The following RUNX1T1 variants were observed in gnomAD, a reference collection of about 807,000 sequenced individuals.
RUNX1T1 encodes the protein protein CBFA2T1.
A neutral mutation model predicts 62.8 loss-of-function variants in RUNX1T1; 4 were observed. The ratio of observed to expected loss-of-function variants is 0.06; its 90% CI spans 0.03 to 0.15. RUNX1T1 has a LOEUF of 0.15. RUNX1T1 is among the 10% of genes least tolerant of loss of function. RUNX1T1 has a pLI of 1.00. For missense variants in RUNX1T1, 508 were observed against 754.3 expected (o/e 0.67, Z 3.82); for synonymous variants, 291 against 286.0 (o/e 1.02, Z -0.18).
At chr8:91,974,392 C>A (rs937916459) in intron 9 of RUNX1T1, among the ~76,000 whole-genome samples, 1 of 152,050 alleles carries the variant, frequency 6.6e-6, no homozygotes, top group Non-Finnish European at 1.5e-5. Flanking sequence ...AAAAAGAATT[C>A]GGATTACACA....
At chr8:92,065,477 G>C (rs576619119), upstream of RUNX1T1, among the ~76,000 whole-genome samples, 33 of 152,226 alleles carry the variant, frequency 2.2e-4, no homozygotes, top group South Asian at 6.9e-3. Flanking sequence ...CATTTTTAAG[G>C]CAATTTTTTA....
At chr8:92,010,835 G>C in intron 4 of RUNX1T1, 167 bp downstream of exon 5, 1 of 485,974 alleles carries the variant, frequency 2.1e-6, no homozygotes, top group Non-Finnish European at 3.7e-6. Flanking sequence ...AACACTCCTT[G>C]TAATTTTCAG....
intron 2 of RUNX1T1, among the ~76,000 whole-genome samples, chr8:92,075,591 C>T (rs1834303403): frequency 6.6e-6 from 1 of 152,150 alleles, no homozygotes; most frequent in Non-Finnish European, 1.5e-5. Context: ...ACCATCTCCT[C>T]GTTACAATAA....
intron 10 of RUNX1T1, among the ~76,000 whole-genome samples, chr8:91,965,505 A>G (rs1811387642): frequency 6.6e-6 from 1 of 152,108 alleles, no homozygotes; most frequent in Non-Finnish European, 1.5e-5. Flanking sequence ...GGTTTCAATG[A>G]TCAGCTGTAA....
intron 10 of RUNX1T1, among the ~76,000 whole-genome samples, chr8:91,965,372 T>C (rs1488533169): frequency 6.6e-6 from 1 of 152,206 alleles, no homozygotes; most frequent in Non-Finnish European, 1.5e-5. Context: ...TTCTCTTTCT[T>C]ATACAATAAC....
At chr8:91,970,707 G>A (rs763527961) in exon 10 of RUNX1T1, 3 of 1,612,944 alleles carry the variant, frequency 1.9e-6, no homozygotes, top group Non-Finnish European at 2.5e-6. Context: ...GTCCTCCGCC[G>A]CCTGCCGTTT....
chr8:91,959,421 TGTGTGTG>T (rs1809892644), exon 11 of RUNX1T1: 1 of 81,368 alleles, frequency 1.2e-5, no homozygotes, highest in Non-Finnish European at 2.1e-5. Context: ...CTTGTGTGTG[TGTGTGTG>T]TGTGTGTGTG....
chr8:92,019,358 G>T (rs1274880782), intron 1 of RUNX1T1, among the ~76,000 whole-genome samples: 2 of 152,092 alleles, frequency 1.3e-5, no homozygotes, highest in Non-Finnish European at 2.9e-5. Context: ...TGTTAGAGAA[G>T]GCAGTCCAGA....
intron 1 of RUNX1T1, among the ~76,000 whole-genome samples, chr8:92,085,867 A>C (rs1836029653): frequency 6.6e-6 from 1 of 152,238 alleles, no homozygotes; most frequent in Non-Finnish European, 1.5e-5. Flanking sequence ...AACATGTTAA[A>C]GAAATTCCTT....
intron 1 of RUNX1T1, among the ~76,000 whole-genome samples, chr8:92,055,304 C>T (rs1345318413): frequency 6.6e-6 from 1 of 152,122 alleles, no homozygotes; most frequent in Non-Finnish European, 1.5e-5. Flanking sequence ...AGTAGTTAAA[C>T]AATGTCAACA....
chr8:92,026,221 A>G lies in RUNX1T1; in HGVS notation c.8-8858T>C, dbSNP rs145192332. Among the ~76,000 whole-genome samples the G allele has an allele frequency of 2.6e-4, 39 of 152,380 alleles. No homozygotes were observed. In the East Asian group the frequency reaches 6.9e-3, roughly 27 times the overall value. ...AGAAATGCCCCAATAAACAACAACA[A>G]CAACAAAACCCTATTAGGATAAATC... On this transcript the variant is annotated intron_variant, in intron 1 of 10. Transcript: ENST00000396218.
intron 4 of RUNX1T1, among the ~76,000 whole-genome samples, chr8:92,008,292 G>A (rs1164456810): frequency 6.6e-6 from 1 of 151,812 alleles, no homozygotes; most frequent in Non-Finnish European, 1.5e-5. Context: ...GGGGGGAAGT[G>A]AAGACTGTTG....
chr8:92,102,224 T>G (rs922483105), upstream of RUNX1T1, among the ~76,000 whole-genome samples: 1 of 151,948 alleles, frequency 6.6e-6, no homozygotes, highest in African/African-American at 2.4e-5. The surrounding 1 kb of genome is among the most constrained non-coding windows in gnomAD (Gnocchi z 4.5). Context: ...ACCCAGGAGC[T>G]TCCCAGTCCA....
intron 9 of RUNX1T1, chr8:91,971,190 T>C (rs1377415048): frequency 5.1e-6 from 1 of 196,796 alleles, no homozygotes; most frequent in Non-Finnish European, 1.0e-5. Flanking sequence ...CTTGAATTTA[T>C]GGAAATATTT....
rs1348611841 is a variant in RUNX1T1 at position 92,041,835 on chromosome 8, A to T, written c.7+20711T>A. Among the ~76,000 whole-genome samples the T allele has an allele frequency of 9.9e-3, 1,240 of 125,806 alleles. 19 individuals are homozygous for T. The highest frequency in any genetic ancestry group is 0.036 in the African/African-American group (1,149 of 32,002). The allele number at this position is 125,806 out of a possible 152,430, so 82.5% of individuals were successfully genotyped here. ...AAGGGGTGGGTTTTTTTTTTTTTTT[A>T]ATTGAGATAGTCTCTCTCTGTTGTC... On this transcript the variant is annotated intron_variant, in intron 1 of 10. Coordinates refer to ENST00000396218, the Ensembl canonical transcript of RUNX1T1.
At chr8:92,062,358 C>T (rs1436728717) in intron 1 of RUNX1T1, among the ~76,000 whole-genome samples, 3 of 152,206 alleles carry the variant, frequency 2.0e-5, no homozygotes, top group African/African-American at 7.2e-5. Flanking sequence ...ACCCTGTACC[C>T]CTCCATGTAT....
chr8:92,103,019 A>G, upstream of RUNX1T1: 1 of 885,408 alleles, frequency 1.1e-6, no homozygotes, highest in Non-Finnish European at 1.5e-6. Context: ...CGCGCTCGCC[A>G]CGAGACCGCG....
intron 1 of RUNX1T1, among the ~76,000 whole-genome samples, chr8:92,095,997 T>C (rs1017631423): frequency 6.6e-6 from 1 of 152,214 alleles, no homozygotes; most frequent in Non-Finnish European, 1.5e-5. Context: ...ACTGAGTCTA[T>C]AGAGCAGTTA....
At position 91,997,264 on chromosome 8, in the gene RUNX1T1, T is replaced by C. The variant is rs200332474; in HGVS notation, c.660-5375A>G. ...TATAACATTCAAGGAAACGGGGAAG[T>C]ATGAAAAAATCCATCATAAAATCAT... is the stretch of plus-strand genomic sequence containing the variant. On this transcript the variant is annotated intron_variant, in intron 5 of 10. Transcript: ENST00000396218. 4.6e-5 allele frequency among the ~76,000 whole-genome samples: 7 copies of C among 152,260 alleles called. No individual in the cohort carries two copies. The East Asian group carries it at 1.4e-3, about 29-fold the overall frequency.
Sources: allele counts gnomAD v4.1 joint callset (sites outside exome capture counted in the v4.1 genomes callset), GRCh38; gene constraint gnomAD v4.1.1; non-coding constraint Gnocchi (gnomAD v3.1); transcripts MANE v1.5; gene names NCBI Gene and HGNC (gene_info 2026-07-23, HGNC 2026-07-21).